Variants in COL21A1 observed in about 807,000 individuals in gnomAD.
The protein encoded by COL21A1 is collagen alpha-1(XXI) chain.
In COL21A1, 149 loss-of-function variants were observed where a neutral mutation model predicts 137.9. The observed-to-expected ratio is 1.08, with a 90% CI of 0.95 to 1.24. The LOEUF is 1.24. Ranked by LOEUF, COL21A1 falls within the 50% of genes most tolerant of loss-of-function variation. The pLI, the probability that COL21A1 is intolerant of heterozygous loss-of-function variation, is 0.00. For synonymous variants in COL21A1, 456 were observed against 391.5 expected (o/e 1.16, Z -1.95); for missense variants, 1,167 against 1,158.4 (o/e 1.01, Z -0.11).
intron 1 of COL21A1, among the ~76,000 whole-genome samples, chr6:56,210,582 C>T (rs919483827): frequency 6.6e-6 from 1 of 152,098 alleles, no homozygotes; most frequent in Admixed American, 6.5e-5. Context: ...TTAGGCTGTA[C>T]TACATGTGAA....
At chr6:56,272,981 C>G (rs1763563339) in intron 1 of COL21A1, among the ~76,000 whole-genome samples, 1 of 152,150 alleles carries the variant, frequency 6.6e-6, no homozygotes, top group African/African-American at 2.4e-5. Flanking sequence ...CATGCTTGGT[C>G]ATAAAGCAAA....
chr6:56,275,848 T>G (rs1057368808), intron 1 of COL21A1, among the ~76,000 whole-genome samples: 4 of 152,180 alleles, frequency 2.6e-5, no homozygotes, highest in African/African-American at 9.7e-5. Flanking sequence ...GAGCTACCAT[T>G]TGACCCAGCA....
chr6:56,260,944 C>A (rs1763259087), intron 1 of COL21A1, among the ~76,000 whole-genome samples: 1 of 149,644 alleles, frequency 6.7e-6, no homozygotes, highest in Non-Finnish European at 1.5e-5. Context: ...AAGTAAATCA[C>A]AAACTTCTTG....
At chr6:56,138,529 T>C (rs1017681586) in intron 12 of COL21A1, among the ~76,000 whole-genome samples, 1 of 151,542 alleles carries the variant, frequency 6.6e-6, no homozygotes, top group African/African-American at 2.4e-5. Flanking sequence ...TCTAGGAGCA[T>C]GTGGTATCCC....
chr6:56,329,131 G>A (rs925246975), intron 1 of COL21A1, among the ~76,000 whole-genome samples: 7 of 152,150 alleles, frequency 4.6e-5, no homozygotes, highest in Non-Finnish European at 8.8e-5. Flanking sequence ...TGCTTTAAAC[G>A]GTGTAAGGCA....
intron 1 of COL21A1, chr6:56,276,813 TTTG>T: frequency 1.1e-6 from 1 of 938,548 alleles, no homozygotes; most frequent in Admixed American, 2.1e-5. Flanking sequence ...TTTTGTTTTT[TTTG>T]TTTTTTTTTT....
intron 1 of COL21A1, among the ~76,000 whole-genome samples, chr6:56,237,946 A>T (rs1782019569): frequency 6.6e-6 from 1 of 152,122 alleles, no homozygotes; most frequent in Non-Finnish European, 1.5e-5. Context: ...CAATTCAATT[A>T]TGGTGTTTTT....
intron 1 of COL21A1, among the ~76,000 whole-genome samples, chr6:56,348,021 G>A (rs17823624): frequency 0.048 from 7,285 of 152,146 alleles, 250 homozygotes; most frequent in Non-Finnish European, 0.069. Context: ...ACTACATACA[G>A]GAGTAGGCAG....
At chr6:56,128,799 T>C (rs538828186) in intron 12 of COL21A1, among the ~76,000 whole-genome samples, 39 of 152,076 alleles carry the variant, frequency 2.6e-4, no homozygotes, top group Admixed American at 1.0e-3. Flanking sequence ...GGATTACAGG[T>C]ACCCACCACC....
chr6:56,327,342 A>G (rs1248583341), intron 1 of COL21A1, among the ~76,000 whole-genome samples: 1 of 151,956 alleles, frequency 6.6e-6, no homozygotes, highest in Non-Finnish European at 1.5e-5. Context: ...TAAAATATGA[A>G]AATATCAAAA....
intron 1 of COL21A1, among the ~76,000 whole-genome samples, chr6:56,221,600 C>A (rs1474252970): frequency 6.6e-6 from 1 of 152,026 alleles, no homozygotes; most frequent in African/African-American, 2.4e-5. Context: ...TGTCACACAC[C>A]TATAATTCCA....
rs1162118957 is a variant in COL21A1 at position 56,097,896 on chromosome 6, TATATAA to T, written c.1812+3570_1812+3575del. 2.3e-4 allele frequency among the ~76,000 whole-genome samples: 22 copies of T among 94,824 alleles called. 2 individuals are homozygous for T. The highest frequency in any genetic ancestry group is 3.9e-4 in the Non-Finnish European group (20 of 51,914). 62.2% of individuals were successfully genotyped at this position (94,824 alleles called of 152,430 possible). ...CTATAAATATATAAATATATATAAATATATAAATATATAAATATATATAAATATATA... is the reference window on the plus strand; with the variant it reads ...CTATAAATATATAAATATATATAAATATATATAAATATATATAAATATATA... On this transcript the variant is annotated intron_variant, in intron 17 of 29. Coordinates refer to ENST00000244728, the MANE Select transcript of COL21A1 (RefSeq NM_030820.4).
At chr6:56,071,833 G>A (rs1427959188) in intron 20 of COL21A1, among the ~76,000 whole-genome samples, 2 of 151,338 alleles carry the variant, frequency 1.3e-5, no homozygotes, top group African/African-American at 4.8e-5. Flanking sequence ...TTTAAGTTCT[G>A]GGTTATATGT....
chr6:56,343,099 T>G (rs1765507219), intron 1 of COL21A1, among the ~76,000 whole-genome samples: 1 of 152,178 alleles, frequency 6.6e-6, no homozygotes, highest in African/African-American at 2.4e-5. Context: ...AGGAAAATGA[T>G]GTTTGCATTC....
At chr6:56,237,990 G>A (rs1782023879) in intron 1 of COL21A1, among the ~76,000 whole-genome samples, 1 of 152,030 alleles carries the variant, frequency 6.6e-6, no homozygotes, top group Admixed American at 6.6e-5. Context: ...TACGTGGTTA[G>A]TCTAAATACC....
At chr6:56,104,121 T>C (rs1241388547) in intron 16 of COL21A1, among the ~76,000 whole-genome samples, 1 of 152,172 alleles carries the variant, frequency 6.6e-6, no homozygotes, top group Non-Finnish European at 1.5e-5. Context: ...CACATTCTTT[T>C]AAAGGTAGAA....
At chr6:56,272,988 C>A (rs1763563488) in intron 1 of COL21A1, among the ~76,000 whole-genome samples, 1 of 152,094 alleles carries the variant, frequency 6.6e-6, no homozygotes, top group African/African-American at 2.4e-5. Context: ...GGTCATAAAG[C>A]AAATTTCAAC....
chr6:56,298,334 G>A (rs1764205934), intron 1 of COL21A1, among the ~76,000 whole-genome samples: 1 of 152,072 alleles, frequency 6.6e-6, no homozygotes. Context: ...ATGCAGTTAA[G>A]TCAGGGTGGT....
chr6:56,316,592 G>A (rs1336893500), intron 1 of COL21A1, among the ~76,000 whole-genome samples: 3 of 139,534 alleles, frequency 2.2e-5, no homozygotes, highest in African/African-American at 8.0e-5. Flanking sequence ...AGTGATTCTT[G>A]TGCCTCCGCC....
Sources: allele counts gnomAD v4.1 joint callset (sites outside exome capture counted in the v4.1 genomes callset), GRCh38; gene constraint gnomAD v4.1.1; transcripts MANE v1.5; gene names NCBI Gene and HGNC (gene_info 2026-07-23, HGNC 2026-07-21).